The following COL12A1 variants were observed in gnomAD, a reference collection of about 807,000 sequenced individuals.
The protein encoded by COL12A1 is collagen type XII alpha 1 chain.
A neutral mutation model predicts 349.7 loss-of-function variants in COL12A1; 114 were observed. The observed-to-expected ratio is 0.33, with a 90% CI of 0.28 to 0.38. The LOEUF (loss-of-function observed/expected upper bound fraction) is 0.38, where lower values mean the gene tolerates loss of function less well. COL12A1 is among the 10% of genes least tolerant of loss of function. The pLI is 1.00. For missense variants in COL12A1, 3,284 were observed against 3,756.9 expected (o/e 0.87, Z 3.29); for synonymous variants, 1,369 against 1,329.0 (o/e 1.03, Z -0.66).
intron 11 of COL12A1, among the ~76,000 whole-genome samples, chr6:75,180,185 G>C (rs1229537713): frequency 6.6e-6 from 1 of 152,214 alleles, no homozygotes; most frequent in Non-Finnish European, 1.5e-5. Context: ...TAAGTAGAGA[G>C]AGCATTCTGA....
At chr6:75,138,712 A>G in intron 28 of COL12A1, 110 bp downstream of exon 28, 2 of 1,550,460 alleles carry the variant, frequency 1.3e-6, no homozygotes, top group Non-Finnish European at 1.8e-6. Flanking sequence ...ATGAGCTCAA[A>G]TGTCAATAAA....
chr6:75,181,216 T>TC lies in COL12A1; in HGVS notation c.1892-6_1892-5insG, dbSNP rs752652515. ...GATCCTTTGGAGGGACGTAAGCTAT[T>TC]TAAAAAAAAAAAAAGACAGTTAAAA... On this transcript the variant is annotated splice_polypyrimidine_tract_variant and splice_region_variant and intron_variant, in intron 10 of 65. Coordinates refer to ENST00000322507, the MANE Select transcript of COL12A1 (RefSeq NM_004370.6). 6 of 1,408,114 alleles carry TC rather than the reference T, an allele frequency of 4.3e-6. No individual in the cohort carries two copies. The East Asian group carries it at 7.8e-5, about 18-fold the overall frequency. The allele number at this position is 1,408,114 out of a possible 1,614,324, so 87.2% of individuals were successfully genotyped here.
chr6:75,183,016 GAAGA>G (rs1769397890), intron 10 of COL12A1, 30 bp downstream of exon 10: 1 of 1,542,284 alleles, frequency 6.5e-7, no homozygotes. Flanking sequence ...CTTTGTTCAT[GAAGA>G]AATAACTTTT....
At chr6:75,101,535 T>G in intron 58 of COL12A1, 65 bp downstream of exon 58, 1 of 1,516,748 alleles carries the variant, frequency 6.6e-7, no homozygotes, top group Non-Finnish European at 9.0e-7. Flanking sequence ...TGAAGGGTTC[T>G]TAATTAATAG....
chr6:75,091,456 CAAAAT>C (rs1767762807), intron 61 of COL12A1, 29 bp downstream of exon 61: 2 of 1,612,614 alleles, frequency 1.2e-6, no homozygotes, highest in East Asian at 2.2e-5. Context: ...GTTTAACACA[CAAAAT>C]AAACGTAAGA....
intron 12 of COL12A1, among the ~76,000 whole-genome samples, chr6:75,176,745 T>C (rs1475395115): frequency 2.0e-5 from 3 of 152,196 alleles, no homozygotes; most frequent in Admixed American, 1.3e-4. Context: ...AAACAAAATA[T>C]ATGAAAAGCT....
At chr6:75,200,146 C>T (rs1489140001) in intron 2 of COL12A1, among the ~76,000 whole-genome samples, 2 of 152,092 alleles carry the variant, frequency 1.3e-5, no homozygotes, top group South Asian at 4.2e-4. Flanking sequence ...TGGTTCCAGC[C>T]CAGTGACCCC....
In COL12A1 at chr6:75,154,523, T is replaced by C; in HGVS notation, c.3458A>G (p.Tyr1153Cys). Residue 1153 changes from tyrosine (Y) to cysteine (C), a missense_variant, in exon 17 of 66, where the codon TAT becomes TGT. Around this residue, in one of 2 missense-constraint regions of COL12A1, gnomAD observed 2,601 missense variants for 2,824.8 expected, o/e 0.92. Coordinates refer to ENST00000322507, the MANE Select transcript of COL12A1 (RefSeq NM_004370.6). ...AAACATTCCAAAAACATTTACTTTATAGGTGGTACCAGCCCTAAAATGTTA... is the reference window on the plus strand; with the variant it reads ...AAACATTCCAAAAACATTTACTTTACAGGTGGTACCAGCCCTAAAATGTTA... ...VLEELRAGTTYKVNVFGMFDG... is the reference protein window; with the variant it reads ...VLEELRAGTTCKVNVFGMFDG... 6.2e-7 allele frequency: 1 copy of C among 1,610,556 alleles called. No individual in the cohort carries two copies. Among genetic ancestry groups the C allele is most frequent in the Non-Finnish European group, 8.5e-7 (1 of 1,177,734 alleles).
chr6:75,194,976 A>T (rs763737825), intron 2 of COL12A1, 29 bp from the exon 3 acceptor site: 1 of 1,294,456 alleles, frequency 7.7e-7, no homozygotes. Flanking sequence ...ATATTATTAA[A>T]CTTTTCAATG....
intron 2 of COL12A1, among the ~76,000 whole-genome samples, chr6:75,199,703 T>G (rs1317979575): frequency 6.6e-6 from 1 of 152,168 alleles, no homozygotes; most frequent in Non-Finnish European, 1.5e-5. Context: ...GTTGATAAAG[T>G]CTATGCAGTG....
chr6:75,193,995 G>T (rs1770091268), intron 3 of COL12A1, among the ~76,000 whole-genome samples: 1 of 152,098 alleles, frequency 6.6e-6, no homozygotes, highest in Non-Finnish European at 1.5e-5. Flanking sequence ...ATTTGGGTTG[G>T]TTCCAAGTCT....
At chr6:75,188,805 G>A (rs912841760) in intron 7 of COL12A1, among the ~76,000 whole-genome samples, 1 of 152,134 alleles carries the variant, frequency 6.6e-6, no homozygotes, top group Non-Finnish European at 1.5e-5. Context: ...ACCATCGTAT[G>A]TCTTTGCCAT....
rs1423212633 is a variant in COL12A1, at chr6:75,085,031, T to TA, written c.*1515_*1516insT. 4 of 328,828 alleles carry TA rather than the reference T, an allele frequency of 1.2e-5. No homozygotes were observed. Among genetic ancestry groups the TA allele is most frequent in the Middle Eastern group, 1.1e-3 (1 of 878 alleles). The allele number at this position is 328,828 out of a possible 1,614,324, so 20.4% of individuals were successfully genotyped here. A position where few individuals can be genotyped will look rare whatever the true frequency, so the allele number is the denominator to read the frequency against. The stretch of plus-strand genomic sequence containing the variant: ...CAGACTGCGTGCTTGGAGCTAGGCT[T>TA]CCTGCAGAAACAAGGTTCTCTACAA... On this transcript the variant is annotated 3_prime_UTR_variant, in exon 66 of 66. Coordinates refer to ENST00000322507, the MANE Select transcript of COL12A1 (RefSeq NM_004370.6).
rs1429126907 is a variant in COL12A1, at chr6:75,143,381, T to C, written c.4698A>G (p.Leu1566=). 6.2e-6 allele frequency: 10 copies of C among 1,613,216 alleles called. No homozygotes were observed. Among genetic ancestry groups the C allele is most frequent in the Middle Eastern group, 1.6e-4 (1 of 6,080 alleles). ...TGAGTTTCAGATCCTGAGGTCTGGG[T>C]AAAGGCACTAGAGAAGCACGAGATA... The part of the protein sequence containing the change: ...PVTVREVTLP[L]PRPQDLKLRD... Residue 1566 remains leucine (L), a synonymous_variant, in exon 26 of 66, where the codon TTA becomes TTG. Coordinates refer to ENST00000322507, the MANE Select transcript of COL12A1 (RefSeq NM_004370.6).
At chr6:75,102,207 A>G (rs1371795633) in intron 56 of COL12A1, among the ~76,000 whole-genome samples, 155 bp from the exon 57 acceptor site, 4 of 152,358 alleles carry the variant, frequency 2.6e-5, no homozygotes, top group Middle Eastern at 3.4e-3. Context: ...GGAGATGAAT[A>G]AACCTTTTTT....
Position 75,087,646 on chromosome 6 carries a change from G to A in COL12A1, c.9112C>T (p.Pro3038Ser), listed in dbSNP as rs1163358098. ...RPGNSGIRGP[P>S]GPPGYCDSSQ... ...GAATCACAGTATCCAGGAGGACCTG[G>A]GGGTCCTCGGATACCTGAGTTTCCA... Residue 3038 changes from proline to serine, a missense_variant, in exon 65 of 66, where the codon CCA becomes TCA. Physicochemically the swap from Pro to Ser is moderately conservative, Grantham distance 74. Transcript: ENST00000322507. The A allele has an allele frequency of 6.2e-7, 1 of 1,612,050 alleles. No individual in the cohort carries two copies. Among genetic ancestry groups the A allele is most frequent in the African/African-American group, 1.3e-5 (1 of 74,908 alleles).
At chr6:75,165,439 T>A in intron 14 of COL12A1, 68 bp downstream of exon 14, 1 of 1,532,782 alleles carries the variant, frequency 6.5e-7, no homozygotes, top group Non-Finnish European at 8.8e-7. Flanking sequence ...TTAAACTGCA[T>A]GTCACTTGAG....
At chr6:75,130,683 C>T (rs1057135881) in intron 36 of COL12A1, among the ~76,000 whole-genome samples, 169 bp downstream of exon 36, 11 of 152,240 alleles carry the variant, frequency 7.2e-5, no homozygotes, top group Non-Finnish European at 1.6e-4. Flanking sequence ...GTTCACGTCA[C>T]ACAAACAACA....
intron 58 of COL12A1, among the ~76,000 whole-genome samples, chr6:75,098,464 G>C (rs954668812): frequency 3.3e-5 from 5 of 152,094 alleles, no homozygotes; most frequent in Middle Eastern, 3.2e-3. Flanking sequence ...GACCAGCCTG[G>C]GCAACATAAG....
Sources: gnomAD v4.1 joint callset for allele counts (sites outside exome capture counted in the v4.1 genomes callset) on GRCh38, gnomAD v4.1.1 for gene constraint, gnomAD v4.1.1 regional missense constraint, MANE v1.5 for transcripts, NCBI Gene and HGNC (gene_info 2026-07-23, HGNC 2026-07-21) for gene names.